The following TRIM37 variants were observed in gnomAD, a reference collection of about 807,000 sequenced individuals.
The protein encoded by TRIM37 is E3 ubiquitin-protein ligase TRIM37.
Under a neutral mutation model 129.8 loss-of-function variants are expected in TRIM37, and 80 were observed. The observed-to-expected ratio is 0.62, with a 90% CI of 0.51 to 0.74. The LOEUF (loss-of-function observed/expected upper bound fraction) is 0.74, where lower values mean the gene tolerates loss of function less well. Among genes scored for constraint, TRIM37 ranks in the 30% least tolerant of loss-of-function variants. The pLI is 0.00. For synonymous variants in TRIM37, 389 were observed against 387.1 expected (o/e 1.00, Z -0.06); for missense variants, 1,054 against 1,176.5 (o/e 0.90, Z 1.52).
chr17:59,104,035 C>T (rs1400127422), intron 2 of TRIM37, among the ~76,000 whole-genome samples: 2 of 152,084 alleles, frequency 1.3e-5, no homozygotes, highest in Non-Finnish European at 2.9e-5. Flanking sequence ...TCTTCTGAGC[C>T]CCACAGCACT....
intron 1 of TRIM37, among the ~76,000 whole-genome samples, chr17:59,105,938 G>A (rs1257795040): frequency 6.6e-6 from 1 of 152,120 alleles, no homozygotes; most frequent in Non-Finnish European, 1.5e-5. Flanking sequence ...CAGCTTACAA[G>A]AATCAGTTAT....
chr17:59,051,288 C>A lies in TRIM37; in HGVS notation c.1240G>T (p.Asp414Tyr). Residue 414 changes from aspartate (D) to tyrosine (Y), a missense_variant, in exon 14 of 24, where the codon GAC becomes TAC. Asp to Tyr is a radical substitution (Grantham distance 160, BLOSUM62 -3). Coordinates refer to ENST00000262294, the MANE Select transcript of TRIM37 (RefSeq NM_015294.6). Reference sequence around the variant, plus strand: ...AACTGAGTAATGTACCAATGCTGGTCCCGGGATTTTTGAAAGAAAGTTGGT... The same window carrying A: ...AACTGAGTAATGTACCAATGCTGGTACCGGGATTTTTGAAAGAAAGTTGGT... ...RSPTFFQKSR[D>Y]QHWYITQLEA... The A allele has an allele frequency of 6.2e-7, 1 of 1,613,622 alleles. No homozygotes were observed. Among genetic ancestry groups the A allele is most frequent in the Non-Finnish European group, 8.5e-7 (1 of 1,179,902 alleles).
chr17:59,005,637 C>CT (rs1285025755), intron 22 of TRIM37, among the ~76,000 whole-genome samples: 1 of 152,072 alleles, frequency 6.6e-6, no homozygotes, highest in Non-Finnish European at 1.5e-5. Flanking sequence ...GAGCTGAGGC[C>CT]TATAGTGAAT....
At chr17:58,967,717 GT>G in the TRIM37 span, among the ~76,000 whole-genome samples, 4 of 150,316 alleles carry the variant, frequency 2.7e-5, no homozygotes, top group Non-Finnish European at 5.9e-5. Flanking sequence ...GCTTCCTTTT[GT>G]TTCTTGTGGT....
downstream of TRIM37, chr17:58,980,903 A>G (rs1452716941): frequency 1.9e-6 from 3 of 1,614,220 alleles, no homozygotes; most frequent in South Asian, 3.3e-5. This position sits in a 1 kb window ranked among gnomAD's most constrained non-coding sequence, Gnocchi z 4.7. Flanking sequence ...TGGGAAGAGA[A>G]ATAGGATAAG....
chr17:59,013,742 G>T (rs1367294172), intron 21 of TRIM37, among the ~76,000 whole-genome samples: 3 of 151,212 alleles, frequency 2.0e-5, no homozygotes, highest in Non-Finnish European at 2.9e-5. Flanking sequence ...TGCCTAGGGT[G>T]TTCTCAAACT....
chr17:59,098,056 G>A (rs920361425), intron 2 of TRIM37, among the ~76,000 whole-genome samples: 3 of 152,156 alleles, frequency 2.0e-5, no homozygotes, highest in Non-Finnish European at 2.9e-5. Flanking sequence ...CAAAGCTACA[G>A]TAATCAAAAC....
At chr17:59,052,752 C>G (rs2040466611) in intron 13 of TRIM37, among the ~76,000 whole-genome samples, 1 of 151,962 alleles carries the variant, frequency 6.6e-6, no homozygotes, top group African/African-American at 2.4e-5. Context: ...GTCAGGAGTT[C>G]GAGACCAGCG....
At position 59,032,550 on chromosome 17, in the gene TRIM37, A is replaced by AG. The variant is rs1240384768; in HGVS notation, c.1754-461_1754-460insC. 6.0e-5 allele frequency among the ~76,000 whole-genome samples: 9 copies of AG among 150,516 alleles called. No homozygotes were observed. In the South Asian group the frequency reaches 1.0e-3, roughly 18 times the overall value. On this transcript the variant is annotated intron_variant, in intron 17 of 23. Coordinates refer to ENST00000262294, the MANE Select transcript of TRIM37 (RefSeq NM_015294.6). ...CCGTCTCAAAAAAAAAAAAAAAAAAAAAAGAAAGAAGGAACCAGACAGTTG... is the reference window on the plus strand; with the variant it reads ...CCGTCTCAAAAAAAAAAAAAAAAAAAGAAAGAAAGAAGGAACCAGACAGTTG...
chr17:59,015,212 C>T (rs1038455456), intron 21 of TRIM37, among the ~76,000 whole-genome samples: 2 of 151,788 alleles, frequency 1.3e-5, no homozygotes, highest in Non-Finnish European at 2.9e-5. Context: ...CTGAGGTGGG[C>T]GTATCACTTG....
In TRIM37 at chr17:59,010,069, A is replaced by G. The variant is rs115329428; in HGVS notation, c.2695+2259T>C. The stretch of plus-strand genomic sequence containing the variant: ...GCCGCCCTCCTACCAATACCACCAC[A>G]CATACCTAGCATACCTGAGAGCTAC... On this transcript the variant is annotated intron_variant, in intron 22 of 23. Coordinates refer to ENST00000262294, the MANE Select transcript of TRIM37 (RefSeq NM_015294.6). 9.6e-3 allele frequency among the ~76,000 whole-genome samples: 1,464 copies of G among 152,226 alleles called. 29 individuals are homozygous for G. Among genetic ancestry groups the G allele is most frequent in the African/African-American group, 0.033 (1,354 of 41,534 alleles).
chr17:58,989,297 G>A (rs953193839), intron 24 of TRIM37, among the ~76,000 whole-genome samples: 9 of 152,120 alleles, frequency 5.9e-5, no homozygotes, highest in Non-Finnish European at 1.3e-4. Flanking sequence ...TCAGCCAGGC[G>A]TGGTGGTGCA....
chr17:58,984,399 C>T (rs1436059493), intron 24 of TRIM37: 1 of 152,650 alleles, frequency 6.6e-6, no homozygotes, highest in Non-Finnish European at 1.5e-5. Context: ...CAAGTGCTTC[C>T]TTCCCCATCA....
At position 59,056,950 on chromosome 17, in the gene TRIM37, T is replaced by C. The variant is rs2040994727; in HGVS notation, c.1124A>G (p.Tyr375Cys). 1.2e-6 allele frequency: 2 copies of C among 1,613,774 alleles called. No individual in the cohort carries two copies. The highest frequency in any genetic ancestry group is 1.7e-5 in the Admixed American group (1 of 59,992). The change falls in exon 13 of 24, where the codon TAT becomes TGT. Residue 375 changes from tyrosine (Y) to cysteine (C), a missense_variant. Physicochemically the swap from Tyr to Cys is radical, Grantham distance 194. This residue lies in a region of TRIM37 where 752 missense variants were observed against 870.8 expected (regional missense o/e 0.86). Coordinates refer to ENST00000262294, the MANE Select transcript of TRIM37 (RefSeq NM_015294.6). ...SDFEVGECWG[Y>C]NRFFRLDLLA... ...TAAGTCCAAACGGAAAAATCTATTA[T>C]AGCCCCAGCATTCTCCAACTTCAAA... is the stretch of plus-strand genomic sequence containing the variant.
At position 59,079,815 on chromosome 17, in the gene TRIM37, T is replaced by C; in HGVS notation, c.555A>G (p.Ala185=). The change falls in exon 7 of 24, where the codon GCA becomes GCG. Residue 185 remains alanine, a synonymous_variant. Coordinates refer to ENST00000262294, the MANE Select transcript of TRIM37 (RefSeq NM_015294.6). ...KDERVREIRN[A]VEMMIARLDT... is the part of the protein sequence containing the mutation. The stretch of plus-strand genomic sequence containing the variant: ...CTAACCGTGCAATCATCATCTCCAC[T>C]GCATTCCTAATTTCCCGAACACGCT... The C allele has an allele frequency of 1.9e-6, 3 of 1,614,102 alleles. No homozygotes were observed. The highest frequency in any genetic ancestry group is 2.5e-6 in the Non-Finnish European group (3 of 1,179,980).
At chr17:59,104,435 A>G in intron 1 of TRIM37, 41 bp from the exon 2 acceptor site, 1 of 1,572,778 alleles carries the variant, frequency 6.4e-7, no homozygotes, top group Non-Finnish European at 8.8e-7. Context: ...AGTTTAGGCT[A>G]CTGAATCAAG....
chr17:59,009,069 C>T (rs565472879), intron 22 of TRIM37, among the ~76,000 whole-genome samples: 12 of 152,268 alleles, frequency 7.9e-5, no homozygotes, highest in African/African-American at 2.4e-4. Flanking sequence ...CAGAGAGAGG[C>T]GACAGTTAAG....
chr17:59,065,883 A>T (rs1392408097), intron 9 of TRIM37, among the ~76,000 whole-genome samples: 1 of 152,230 alleles, frequency 6.6e-6, no homozygotes, highest in Non-Finnish European at 1.5e-5. Flanking sequence ...GTATAGCTAA[A>T]TAGGTCACGT....
intron 4 of TRIM37, among the ~76,000 whole-genome samples, chr17:59,087,253 G>A (rs972553037): frequency 2.0e-5 from 3 of 151,578 alleles, no homozygotes; most frequent in Non-Finnish European, 4.4e-5. Context: ...CCACCACGAC[G>A]CCCAGCTAAT....
Sources: gnomAD v4.1 joint callset for allele counts (sites outside exome capture counted in the v4.1 genomes callset) on GRCh38, gnomAD v4.1.1 for gene constraint, gnomAD v4.1.1 regional missense constraint, Gnocchi (gnomAD v3.1) non-coding constraint, MANE v1.5 for transcripts, NCBI Gene and HGNC (gene_info 2026-07-23, HGNC 2026-07-21) for gene names.